RRM2: variants seen among roughly 807,000 people sequenced by gnomAD.
RRM2 encodes ribonucleoside-diphosphate reductase subunit M2.
A neutral mutation model predicts 45.9 loss-of-function variants in RRM2; 6 were observed. That is an observed-to-expected ratio of 0.13 (90% CI 0.07 to 0.26). RRM2 has a LOEUF of 0.26. Ranked by LOEUF, RRM2 falls within the 10% of genes least tolerant of loss-of-function variation. The pLI is 1.00. For missense variants in RRM2, 343 were observed against 489.5 expected (o/e 0.70, Z 2.82); for synonymous variants, 177 against 173.0 (o/e 1.02, Z -0.18).
At position 10,178,486 on chromosome 2, in the gene RRM2, G is replaced by T. The variant is rs549725733; in HGVS notation, n.483-31825G>T. Among the ~76,000 whole-genome samples, 4 of 152,126 alleles carry T rather than the reference G, an allele frequency of 2.6e-5. No individual in the cohort carries two copies. In the South Asian group the frequency reaches 8.3e-4, roughly 32 times the overall value. ...AATCCACCTGTCTCGGCCTCCCAAA[G>T]TGCTGGAATTACAGGCATGAGCCAC... On this transcript the variant is annotated intron_variant and non_coding_transcript_variant, in intron 3 of 3. Coordinates refer to the RRM2 transcript ENST00000381786.
chr2:10,140,275 G>T (rs1413288025), upstream of RRM2, among the ~76,000 whole-genome samples: 1 of 152,014 alleles, frequency 6.6e-6, no homozygotes, highest in Non-Finnish European at 1.5e-5. Flanking sequence ...AAAATCAAAA[G>T]AACATTTCGT....
At chr2:10,200,945 A>G (rs1369947885) in intron 3 of RRM2, among the ~76,000 whole-genome samples, 2 of 152,304 alleles carry the variant, frequency 1.3e-5, no homozygotes, top group African/African-American at 4.8e-5. Context: ...TCAGGAGTTC[A>G]AGACCAGCCT....
At chr2:10,142,019 C>T (rs1663094589) in intron 2 of RRM2, 11 of 1,579,474 alleles carry the variant, frequency 7.0e-6, no homozygotes, top group Admixed American at 1.9e-5. Context: ...GGCTATGCCC[C>T]TTGCTCTTTC....
intron 3 of RRM2, among the ~76,000 whole-genome samples, chr2:10,188,770 C>T (rs1664221685): frequency 1.3e-5 from 2 of 152,174 alleles, no homozygotes; most frequent in South Asian, 4.1e-4. Flanking sequence ...ACTGCAAACA[C>T]ACCAGACCCC....
intron 3 of RRM2, among the ~76,000 whole-genome samples, chr2:10,186,828 C>A (rs1315529721): frequency 2.6e-5 from 4 of 152,252 alleles, no homozygotes; most frequent in Non-Finnish European, 5.9e-5. Context: ...TACCCCTCCC[C>A]TCACATGGAG....
At chr2:10,153,276 G>A (rs1462353565) in intron 3 of RRM2, among the ~76,000 whole-genome samples, 1 of 152,164 alleles carries the variant, frequency 6.6e-6, no homozygotes, top group African/African-American at 2.4e-5. Flanking sequence ...GGAGGTTGCA[G>A]TGAGCCAAGA....
In RRM2 at chr2:10,166,217, T is replaced by C. The variant is rs11886995; in HGVS notation, n.482+23842T>C. On this transcript the variant is annotated intron_variant and non_coding_transcript_variant, in intron 3 of 3. Coordinates refer to the RRM2 transcript ENST00000381786. ...AACAGTTACTTTACACTTCATCTAA[T>C]TGATTAAAATGACTCCTCTAAATTA... Among the ~76,000 whole-genome samples, 13 of 152,304 alleles carry C rather than the reference T, an allele frequency of 8.5e-5. No individual in the cohort carries two copies. In the South Asian group the frequency reaches 2.5e-3, roughly 29 times the overall value.
rs534561766 is a variant in RRM2, at chr2:10,179,862, C to T, written n.483-30449C>T. 2.9e-3 allele frequency among the ~76,000 whole-genome samples: 435 copies of T among 152,306 alleles called. 4 individuals are homozygous for T. The highest frequency in any genetic ancestry group is 0.01 in the African/African-American group (417 of 41,562). ...TGCCAGTTACATATTCTGATGCAAA[C>T]GTTTTCTGAAGCCTTTATTATTATG... On this transcript the variant is annotated intron_variant and non_coding_transcript_variant, in intron 3 of 3. Coordinates refer to the RRM2 transcript ENST00000381786.
chr2:10,207,864 G>A (rs894279275), intron 3 of RRM2, among the ~76,000 whole-genome samples: 3 of 151,938 alleles, frequency 2.0e-5, no homozygotes, highest in African/African-American at 7.3e-5. Flanking sequence ...AGTTCCTATA[G>A]GTAAAAGCCT....
exon 4 of RRM2, chr2:10,210,383 C>T (rs770432038): frequency 5.9e-6 from 8 of 1,367,376 alleles, no homozygotes; most frequent in Non-Finnish European, 7.8e-6. Flanking sequence ...AAGGGAGAGC[C>T]ACCGTGGTGC....
intron 3 of RRM2, among the ~76,000 whole-genome samples, chr2:10,183,692 A>G (rs1352421104): frequency 6.6e-6 from 1 of 152,062 alleles, no homozygotes; most frequent in Non-Finnish European, 1.5e-5. Flanking sequence ...TCTACTAAAA[A>G]TAAAAAAATT....
At chr2:10,199,800 A>ACAAAAAACAAC (rs771864776) in intron 3 of RRM2, among the ~76,000 whole-genome samples, 1 of 97,884 alleles carries the variant, frequency 1.0e-5, no homozygotes, top group Non-Finnish European at 1.9e-5. Flanking sequence ...AAAAAAAAAA[A>ACAAAAAACAAC]AAAAAAAAAC....
intron 2 of RRM2, 125 bp downstream of exon 2, chr2:10,123,182 C>A (rs1662703156): frequency 7.7e-7 from 1 of 1,298,610 alleles, no homozygotes; most frequent in Admixed American, 2.7e-5. Context: ...GCGGCCCCTC[C>A]CCAGGGCTGC....
intron 2 of RRM2, chr2:10,142,022 G>A: frequency 1.3e-6 from 2 of 1,581,730 alleles, no homozygotes; most frequent in South Asian, 2.3e-5. Flanking sequence ...TATGCCCCTT[G>A]CTCTTTCATG....
intron 1 of RRM2, chr2:10,141,731 G>T (rs1454072898): frequency 3.6e-6 from 5 of 1,399,592 alleles, no homozygotes; most frequent in Admixed American, 4.4e-5. Flanking sequence ...TGAGGGTGGG[G>T]TACTGTTCCA....
chr2:10,169,728 T>G lies in RRM2; in HGVS notation n.482+27353T>G, dbSNP rs1663757279. ...GCCATGAAAATGAGTGTCTCTGAGTTTGGAGAGCTGGCCTCCGCACTGGGC... is the reference window on the plus strand; with the variant it reads ...GCCATGAAAATGAGTGTCTCTGAGTGTGGAGAGCTGGCCTCCGCACTGGGC... On this transcript the variant is annotated intron_variant and non_coding_transcript_variant, in intron 3 of 3. Transcript: ENST00000381786. This position sits in a 1 kb window ranked among gnomAD's most constrained non-coding sequence, Gnocchi z 5.1. 2.0e-5 allele frequency among the ~76,000 whole-genome samples: 3 copies of G among 152,004 alleles called. No individual in the cohort carries two copies. The South Asian group carries it at 6.2e-4, about 32-fold the overall frequency.
At chr2:10,189,219 G>A (rs538082142) in intron 3 of RRM2, among the ~76,000 whole-genome samples, 4 of 152,240 alleles carry the variant, frequency 2.6e-5, no homozygotes, top group Non-Finnish European at 5.9e-5. Context: ...GATGCAGAGT[G>A]GGCCAGCCCC....
At position 10,205,992 on chromosome 2, in the gene RRM2, C is replaced by G. The variant is rs1407891394; in HGVS notation, n.483-4319C>G. ...ACAGGCATGAGCCACTGCGCCTGGC[C>G]AAGAGGGTGTCTGGGAGGCCGAAGC... is the stretch of plus-strand genomic sequence containing the variant. On this transcript the variant is annotated intron_variant and non_coding_transcript_variant, in intron 3 of 3. Transcript: ENST00000381786. This position sits in a 1 kb window ranked among gnomAD's most constrained non-coding sequence, Gnocchi z 4.8. 6.6e-6 allele frequency among the ~76,000 whole-genome samples: 1 copy of G among 152,188 alleles called. No homozygotes were observed. Among genetic ancestry groups the G allele is most frequent in the African/African-American group, 2.4e-5 (1 of 41,552 alleles).
At chr2:10,197,704 T>G (rs1664446106) in intron 3 of RRM2, among the ~76,000 whole-genome samples, 2 of 152,198 alleles carry the variant, frequency 1.3e-5, no homozygotes, top group Non-Finnish European at 2.9e-5. Flanking sequence ...ATAAAGTCAC[T>G]TTTGCAATAC....
Sources: allele counts gnomAD v4.1 joint callset (sites outside exome capture counted in the v4.1 genomes callset), GRCh38; gene constraint gnomAD v4.1.1; non-coding constraint Gnocchi (gnomAD v3.1); transcripts MANE v1.5; gene names NCBI Gene and HGNC (gene_info 2026-07-23, HGNC 2026-07-21).